The following POLR3B variants were observed in gnomAD, a reference collection of about 807,000 sequenced individuals.
POLR3B encodes the protein DNA-directed RNA polymerase III subunit RPC2.
A neutral mutation model predicts 147.4 loss-of-function variants in POLR3B; 96 were observed. That is an observed-to-expected ratio of 0.65 (90% CI 0.55 to 0.77). The LOEUF is 0.77. Ranked by LOEUF, POLR3B falls within the 30% of genes least tolerant of loss-of-function variation. The pLI, the probability that POLR3B is intolerant of heterozygous loss-of-function variation, is 0.00. For missense variants in POLR3B, 1,036 were observed against 1,413.5 expected, an observed-to-expected ratio of 0.73 and a Z score of 4.28; for synonymous variants, 461 against 485.9, an observed-to-expected ratio of 0.95 and a Z score of 0.67.
intron 23 of POLR3B, among the ~76,000 whole-genome samples, chr12:106,495,585 A>C (rs2038466483): frequency 6.6e-6 from 1 of 152,214 alleles, no homozygotes; most frequent in African/African-American, 2.4e-5. Context: ...TGGTTTTTCA[A>C]ACCACATTGT....
chr12:106,501,264 C>A, intron 25 of POLR3B, 59 bp from the exon 26 acceptor site: 1 of 1,018,796 alleles, frequency 9.8e-7, no homozygotes, highest in Non-Finnish European at 1.6e-6. Flanking sequence ...GGTCCAAAGG[C>A]TGTCTCTTGT....
chr12:106,452,420 A>G (rs570479413), intron 19 of POLR3B, among the ~76,000 whole-genome samples: 2 of 152,282 alleles, frequency 1.3e-5, no homozygotes, highest in African/African-American at 4.8e-5. Context: ...TGGTAGCACA[A>G]TTTATAGCAG....
At chr12:106,409,974 T>C (rs998228141) in intron 11 of POLR3B, among the ~76,000 whole-genome samples, 1 of 152,194 alleles carries the variant, frequency 6.6e-6, no homozygotes, top group Admixed American at 6.5e-5. Flanking sequence ...GCCAGATTCA[T>C]TCATATGGGT....
chr12:106,367,753 A>T (rs559181474), intron 4 of POLR3B, among the ~76,000 whole-genome samples: 2 of 152,302 alleles, frequency 1.3e-5, no homozygotes, highest in South Asian at 4.1e-4. Flanking sequence ...AGATTTCTCC[A>T]CTGAAAGGTT....
At chr12:106,491,840 C>T (rs2038411406) in intron 23 of POLR3B, among the ~76,000 whole-genome samples, 1 of 152,110 alleles carries the variant, frequency 6.6e-6, no homozygotes, top group South Asian at 2.1e-4. Context: ...TTTCTCTTTC[C>T]TCACTCAGAA....
Position 106,487,797 on chromosome 12 carries a change from T to C in POLR3B, c.2714-8258T>C, listed in dbSNP as rs146925692. 5.0e-3 allele frequency among the ~76,000 whole-genome samples: 767 copies of C among 152,334 alleles called. 7 individuals are homozygous for C. The highest frequency in any genetic ancestry group is 0.018 in the African/African-American group (738 of 41,588). On this transcript the variant is annotated intron_variant, in intron 23 of 27. Transcript: ENST00000228347. ...AGAGGAAGCGGAACAGTGGTAGTTATGTGCTGCATGTGATCACAGAGCTCA... is the reference window on the plus strand; with the variant it reads ...AGAGGAAGCGGAACAGTGGTAGTTACGTGCTGCATGTGATCACAGAGCTCA...
chr12:106,439,584 C>T (rs1483497544), intron 18 of POLR3B, among the ~76,000 whole-genome samples: 3 of 151,960 alleles, frequency 2.0e-5, no homozygotes, highest in South Asian at 2.1e-4. Context: ...GGTGGAGGCT[C>T]TGTGAGCCAT....
At chr12:106,437,272 C>A in intron 17 of POLR3B, 141 bp downstream of exon 17, 2 of 709,908 alleles carry the variant, frequency 2.8e-6, no homozygotes, top group Non-Finnish European at 5.0e-6. Context: ...TCCATGTGAA[C>A]TTGCTTGGAC....
intron 23 of POLR3B, among the ~76,000 whole-genome samples, chr12:106,469,050 C>A (rs1722078140): frequency 6.6e-6 from 1 of 152,070 alleles, no homozygotes; most frequent in African/African-American, 2.4e-5. Flanking sequence ...GTGTTAAAGT[C>A]TCCCATTATT....
chr12:106,386,723 C>T (rs1375811920), intron 9 of POLR3B, among the ~76,000 whole-genome samples: 4 of 151,862 alleles, frequency 2.6e-5, no homozygotes, highest in Admixed American at 2.0e-4. Context: ...CTGGCTAACA[C>T]GGTGAAACCC....
At chr12:106,386,987 A>G (rs183157736) in intron 9 of POLR3B, among the ~76,000 whole-genome samples, 2 of 152,346 alleles carry the variant, frequency 1.3e-5, no homozygotes, top group African/African-American at 4.8e-5. Context: ...ATGCTTACAT[A>G]CACACAGCTG....
chr12:106,402,278 G>A (rs1230507875), intron 10 of POLR3B, among the ~76,000 whole-genome samples: 2 of 151,998 alleles, frequency 1.3e-5, no homozygotes, highest in African/African-American at 4.8e-5. Context: ...TCTTCAAGGA[G>A]AACTACAAAC....
intron 1 of POLR3B, 100 bp downstream of exon 1, chr12:106,358,051 GTGCGCATGCGCCGGGCTTC>G: frequency 6.4e-7 from 1 of 1,559,056 alleles, no homozygotes; most frequent in Non-Finnish European, 8.6e-7. Flanking sequence ...CTGGCGGTTT[GTGCGCATGCGCCGGGCTTC>G]TGCGCATGCC....
intron 23 of POLR3B, among the ~76,000 whole-genome samples, chr12:106,482,197 C>G (rs1346611086): frequency 6.6e-6 from 1 of 152,160 alleles, no homozygotes; most frequent in Non-Finnish European, 1.5e-5. Context: ...TAGTAAAAGT[C>G]TATTTTTTGA....
At chr12:106,445,950 A>G (rs1279998200) in intron 19 of POLR3B, among the ~76,000 whole-genome samples, 2 of 152,242 alleles carry the variant, frequency 1.3e-5, no homozygotes, top group Non-Finnish European at 1.5e-5. Context: ...CTACAGAGAA[A>G]TAAAAAGCAT....
intron 1 of POLR3B, among the ~76,000 whole-genome samples, chr12:106,358,597 ATC>A (rs1260109880): frequency 3.3e-5 from 5 of 151,426 alleles, no homozygotes; most frequent in African/African-American, 1.2e-4. Flanking sequence ...ACATTTTGTA[ATC>A]TCTCTGAGCC....
chr12:106,370,632 T>G (rs1356538803), intron 6 of POLR3B, among the ~76,000 whole-genome samples: 4 of 133,728 alleles, frequency 3.0e-5, no homozygotes, highest in African/African-American at 9.1e-5. Context: ...TGTTTTATTG[T>G]TTTTTTTTTT....
intron 27 of POLR3B, among the ~76,000 whole-genome samples, chr12:106,506,132 A>T (rs1171312295): frequency 3.3e-5 from 5 of 152,150 alleles, no homozygotes; most frequent in Admixed American, 3.3e-4. Context: ...CAGTCCTGAG[A>T]TGTCTATTTG....
intron 16 of POLR3B, among the ~76,000 whole-genome samples, chr12:106,436,159 T>G (rs2037573367): frequency 1.3e-5 from 2 of 152,214 alleles, no homozygotes; most frequent in African/African-American, 2.4e-5. Context: ...GCTCCTCTTC[T>G]TAACTGTTGA....
Sources: allele counts gnomAD v4.1 joint callset (sites outside exome capture counted in the v4.1 genomes callset), GRCh38; gene constraint gnomAD v4.1.1; transcripts MANE v1.5; gene names NCBI Gene and HGNC (gene_info 2026-07-23, HGNC 2026-07-21).